FRS3: variants seen among roughly 807,000 people sequenced by gnomAD.
FRS3 encodes the protein fibroblast growth factor receptor substrate 3, also known as FGFR substrate 3.
In FRS3, 17 loss-of-function variants were observed where a neutral mutation model predicts 41.9. The observed-to-expected ratio is 0.41, with a 90% confidence interval of 0.28 to 0.61. The LOEUF (loss-of-function observed/expected upper bound fraction) is 0.61. Among genes scored for constraint, FRS3 ranks in the 20% least tolerant of loss-of-function variants. FRS3 has a pLI of 0.36. For synonymous variants in FRS3, 287 were observed against 274.5 expected (o/e 1.05, Z -0.45); for missense variants, 619 against 672.1 (o/e 0.92, Z 0.87).
chr6:41,774,202 G>T (rs1292231990), intron 4 of FRS3, among the ~76,000 whole-genome samples: 2 of 152,050 alleles, frequency 1.3e-5, no homozygotes, highest in Non-Finnish European at 2.9e-5. Flanking sequence ...GCCCACCTCA[G>T]CCTCCCAAAG....
chr6:41,771,906 G>C lies in FRS3; in HGVS notation c.474C>G (p.Phe158Leu). The stretch of plus-strand genomic sequence containing the variant: ...TTGTCGAGAGCCGCCGGGGAGCTGA[G>C]AATCGTGGGCCCTCTCCAGGGCAGC... ...SNGCPGEGPR[F>L]SAPRRLSTSS... Residue 158 changes from phenylalanine to leucine, a missense_variant, in exon 6 of 7, where the codon TTC (phenylalanine) becomes TTG (leucine). By Grantham distance (22) the Phe-to-Leu change is conservative. Transcript: ENST00000373018. 2 of 1,557,690 alleles carry C rather than the reference G, an allele frequency of 1.3e-6. No individual in the cohort carries two copies. Among genetic ancestry groups the C allele is most frequent in the Non-Finnish European group, 1.7e-6 (2 of 1,150,430 alleles).
chr6:41,772,196 T>C (rs1772313801), intron 5 of FRS3, among the ~76,000 whole-genome samples: 1 of 152,098 alleles, frequency 6.6e-6, no homozygotes, highest in African/African-American at 2.4e-5. Flanking sequence ...CACCACTGTC[T>C]CCATTATAGC....
chr6:41,775,737 C>T (rs1255833543), intron 3 of FRS3, 132 bp from the exon 4 acceptor site: 1 of 707,708 alleles, frequency 1.4e-6, no homozygotes, highest in East Asian at 2.7e-5. Flanking sequence ...CTATCACAGA[C>T]TCTACTGAAT....
chr6:41,773,650 C>G (rs1772352580), intron 4 of FRS3, among the ~76,000 whole-genome samples: 1 of 151,680 alleles, frequency 6.6e-6, no homozygotes, highest in African/African-American at 2.4e-5. Context: ...GAGGGTGGAT[C>G]ACCTGAAGTC....
intron 4 of FRS3, among the ~76,000 whole-genome samples, chr6:41,773,618 C>T (rs1008152382): frequency 4.0e-5 from 6 of 151,798 alleles, no homozygotes; most frequent in Non-Finnish European, 7.4e-5. Flanking sequence ...CGCCTGTAAT[C>T]CCAGCACTTT....
intron 6 of FRS3, 60 bp downstream of exon 6, chr6:41,771,756 T>G: frequency 1.3e-6 from 2 of 1,521,112 alleles, no homozygotes; most frequent in Non-Finnish European, 1.8e-6. Context: ...GTGGCCTTAT[T>G]TCCTATCCCT....
Position 41,776,779 on chromosome 6 carries a change from G to A in FRS3, c.66+143C>T, listed in dbSNP as rs115033381. The A allele has an allele frequency of 1.8e-3, 1,283 of 722,682 alleles. 12 individuals carry two copies. In the African/African-American group the frequency reaches 0.018, roughly 10 times the overall value. 44.8% of individuals were successfully genotyped at this position (722,682 alleles called of 1,614,324 possible). A position where few individuals can be genotyped will look rare whatever the true frequency, so the allele number is the denominator to read the frequency against. The stretch of plus-strand genomic sequence containing the variant: ...TTTTCCTCAGGCTACTTGAGAGGGT[G>A]TGAGCTCAAGAAGTCTCCATAAGCC... On this transcript the variant is annotated intron_variant, in intron 3 of 6. Transcript: ENST00000373018.
Position 41,779,475 on chromosome 6 carries a change from G to T in FRS3, c.-168+341C>A, listed in dbSNP as rs548548012. 3.3e-5 allele frequency among the ~76,000 whole-genome samples: 5 copies of T among 152,004 alleles called. No individual in the cohort carries two copies. In the East Asian group the frequency reaches 9.7e-4, roughly 29 times the overall value. ...CATCCAAGAGAAATGGTGGGTCCGT[G>T]GGCATAGCAGGAGATTTGTTGAGTG... On this transcript the variant is annotated intron_variant, in intron 1 of 6. Transcript: ENST00000373018.
In FRS3 at chr6:41,771,572, G is replaced by A. The variant is rs780659074; in HGVS notation, c.565-39C>T. On this transcript the variant is annotated intron_variant, in intron 6 of 6. Coordinates refer to ENST00000373018, the MANE Select transcript of FRS3 (RefSeq NM_006653.5). ...CCAAGTGAGGCAGGAGTGTCCCAGGGCAGGGAGAAAAGAGAACAGAAGGGA... is the reference window on the plus strand; with the variant it reads ...CCAAGTGAGGCAGGAGTGTCCCAGGACAGGGAGAAAAGAGAACAGAAGGGA... 5 of 1,459,638 alleles carry A rather than the reference G, an allele frequency of 3.4e-6. No individual in the cohort carries two copies. In the South Asian group the frequency reaches 6.6e-5, roughly 19 times the overall value. 90.4% of individuals were successfully genotyped at this position (1,459,638 alleles called of 1,614,324 possible).
chr6:41,777,912 T>C (rs953736300), intron 2 of FRS3, 121 bp downstream of exon 2: 1 of 152,606 alleles, frequency 6.6e-6, no homozygotes, highest in Non-Finnish European at 1.5e-5. Flanking sequence ...GTCTGTAGGA[T>C]TGGCTATCCT....
chr6:41,775,644 A>G, intron 3 of FRS3, 39 bp from the exon 4 acceptor site: 1 of 1,529,106 alleles, frequency 6.5e-7, no homozygotes, highest in Non-Finnish European at 9.0e-7. Flanking sequence ...GAGTGAGTCC[A>G]ACAAGTGTTT....
rs1267197467 is a variant in FRS3 at position 41,770,779 on chromosome 6, T to C, written c.1319A>G (p.Gln440Arg). The change falls in exon 7 of 7, where the codon CAA becomes CGA. Residue 440 changes from glutamine to arginine, a missense_variant. Around this residue, in one of 3 missense-constraint regions of FRS3, gnomAD observed 487 missense variants for 478.3 expected, o/e 1.02. Coordinates refer to ENST00000373018, the MANE Select transcript of FRS3 (RefSeq NM_006653.5). Reference sequence around the variant, plus strand: ...AGGGTGGGTGGTGGGCATGGGGGCTTGGGGGCTCGAGGGGTTCTGGGGCCC... The same window carrying C: ...AGGGTGGGTGGTGGGCATGGGGGCTCGGGGGCTCGAGGGGTTCTGGGGCCC... Reference protein sequence around the residue: ...PKGPQNPSSPQAPMPTTHPAR... With the variant: ...PKGPQNPSSPRAPMPTTHPAR... The C allele has an allele frequency of 2.5e-6, 4 of 1,578,304 alleles. No individual in the cohort carries two copies. Among genetic ancestry groups the C allele is most frequent in the East Asian group, 2.3e-5 (1 of 44,262 alleles).
rs1230124005 is a variant in FRS3 at position 41,775,400 on chromosome 6, A to G, written c.253+19T>C. 5.0e-6 allele frequency: 8 copies of G among 1,593,708 alleles called. No homozygotes were observed. Among genetic ancestry groups the G allele is most frequent in the African/African-American group, 2.7e-5 (2 of 74,578 alleles). ...TGCATAAGCCCCTATCCCAGGGTGG[A>G]GCAGGGCCTGGTACTCACCCTGGCC... On this transcript the variant is annotated intron_variant, in intron 4 of 6. Coordinates refer to ENST00000373018, the MANE Select transcript of FRS3 (RefSeq NM_006653.5).
Position 41,779,893 on chromosome 6 carries a change from GCCTCC to G in FRS3, c.-250_-246del, listed in dbSNP as rs1190354538. The G allele has an allele frequency of 6.7e-6, 1 of 149,788 alleles. No individual in the cohort carries two copies. Among genetic ancestry groups the G allele is most frequent in the African/African-American group, 2.4e-5 (1 of 40,970 alleles). The allele number at this position is 149,788 out of a possible 1,614,324, so 9.3% of individuals were successfully genotyped here. On this transcript the variant is annotated 5_prime_UTR_variant, in exon 1 of 7. Transcript: ENST00000373018. The stretch of plus-strand genomic sequence containing the variant: ...CAGCCGCCGCCCGCCCGGAGCTAAG[GCCTCC>G]CCGCCCCGCCCCGCCCCGCGGCCGC...
chr6:41,778,664 G>T (rs1442716882), intron 1 of FRS3, among the ~76,000 whole-genome samples: 1 of 152,120 alleles, frequency 6.6e-6, no homozygotes, highest in Non-Finnish European at 1.5e-5. Context: ...GTTTTTGGGG[G>T]AACCATCTAT....
chr6:41,771,066 C>T lies in FRS3; in HGVS notation c.1032G>A (p.Gly344=). 1.2e-6 allele frequency: 2 copies of T among 1,603,868 alleles called. No individual in the cohort carries two copies. The highest frequency in any genetic ancestry group is 8.5e-7 in the Non-Finnish European group (1 of 1,172,940). ...GCCCATCCCTCGAGTCCCCATCATC[C>T]CCAGCCTCCCCTCCCAGCTGCTGGG... ...SQAQQLGGEA[G]DDGDSRDGLT... Residue 344 remains glycine (G), a synonymous_variant, in exon 7 of 7, where the codon GGG becomes GGA. Coordinates refer to ENST00000373018, the MANE Select transcript of FRS3 (RefSeq NM_006653.5).
At chr6:41,772,705 C>G in intron 5 of FRS3, 93 bp downstream of exon 5, 1 of 1,422,298 alleles carries the variant, frequency 7.0e-7, no homozygotes, top group Non-Finnish European at 9.5e-7. Context: ...TTCTCCCAAC[C>G]AGCCAGCTTA....
Position 41,770,492 on chromosome 6 carries a change from T to C in FRS3, c.*127A>G. ...GGACTCCAGCCAGCACAGGGAAGCA[T>C]CTGGTCCCACCTCCATGCCTTCTGC... On this transcript the variant is annotated 3_prime_UTR_variant, in exon 7 of 7. Transcript: ENST00000373018. The C allele has an allele frequency of 1.2e-6, 1 of 827,542 alleles. No individual in the cohort carries two copies. The highest frequency in any genetic ancestry group is 2.0e-6 in the Non-Finnish European group (1 of 510,886). The allele number at this position is 827,542 out of a possible 1,614,324, so 51.3% of individuals were successfully genotyped here. A position where few individuals can be genotyped will look rare whatever the true frequency, so the allele number is the denominator to read the frequency against.
rs1311763883 is a variant in FRS3 at position 41,771,055 on chromosome 6, T to G, written c.1043A>C (p.Asp348Ala). ...QLGGEAGDDGDSRDGLTPSSN... is the reference protein window; with the variant it reads ...QLGGEAGDDGASRDGLTPSSN... ...AGAGGGTGTGAGCCCATCCCTCGAGTCCCCATCATCCCCAGCCTCCCCTCC... is the reference window on the plus strand; with the variant it reads ...AGAGGGTGTGAGCCCATCCCTCGAGGCCCCATCATCCCCAGCCTCCCCTCC... Residue 348 changes from aspartate to alanine, a missense_variant, in exon 7 of 7, where the codon GAC becomes GCC. Physicochemically the swap from Asp to Ala is moderately radical, Grantham distance 126 (BLOSUM62 -2). Coordinates refer to ENST00000373018, the MANE Select transcript of FRS3 (RefSeq NM_006653.5). 8 of 1,605,946 alleles carry G rather than the reference T, an allele frequency of 5.0e-6. No homozygotes were observed. The highest frequency in any genetic ancestry group is 1.7e-5 in the Admixed American group (1 of 59,722).
Sources: allele counts gnomAD v4.1 joint callset (sites outside exome capture counted in the v4.1 genomes callset), GRCh38; gene constraint gnomAD v4.1.1; regional missense constraint gnomAD v4.1.1; transcripts MANE v1.5; gene names NCBI Gene and HGNC (gene_info 2026-07-23, HGNC 2026-07-21).